CSNK1A1: variants seen among roughly 807,000 people sequenced by gnomAD.
CSNK1A1 encodes the protein casein kinase I isoform alpha.
Under a neutral mutation model 46.1 loss-of-function variants are expected in CSNK1A1, and 7 were observed. The ratio of observed to expected loss-of-function variants is 0.15; its 90% CI spans 0.09 to 0.29. CSNK1A1 has a LOEUF of 0.29. Among genes scored for constraint, CSNK1A1 ranks in the 10% least tolerant of loss-of-function variants. The pLI is 1.00. For synonymous variants in CSNK1A1, 137 were observed against 141.5 expected, an observed-to-expected ratio of 0.97 and a Z score of 0.23; for missense variants, 96 against 417.1, an observed-to-expected ratio of 0.23 and a Z score of 6.71.
intron 9 of CSNK1A1, chr5:149,499,139 T>C (rs756977565): frequency 6.1e-5 from 60 of 985,284 alleles, no homozygotes; most frequent in Non-Finnish European, 7.2e-5. Flanking sequence ...CAACAGGTAT[T>C]CAACAGTCTT....
intron 9 of CSNK1A1, 157 bp from the exon 10 acceptor site, chr5:149,497,017 A>AGTT: frequency 7.0e-7 from 1 of 1,432,684 alleles, no homozygotes; most frequent in South Asian, 1.6e-5. Flanking sequence ...TTTTTAAAAC[A>AGTT]GAAAAACATG....
At chr5:149,539,334 T>C (rs1181714143) in intron 2 of CSNK1A1, among the ~76,000 whole-genome samples, 1 of 152,032 alleles carries the variant, frequency 6.6e-6, no homozygotes, top group African/African-American at 2.4e-5. Context: ...AGTATGGTGG[T>C]GTATGCCTGT....
intron 2 of CSNK1A1, among the ~76,000 whole-genome samples, chr5:149,541,280 G>C (rs1438448414): frequency 6.6e-6 from 1 of 151,538 alleles, no homozygotes; most frequent in Non-Finnish European, 1.5e-5. Flanking sequence ...AGCCTCCCGA[G>C]TAGCTGGGAT....
intron 9 of CSNK1A1, chr5:149,502,463 CTCCCAACACAGCT>C (rs1760890393): frequency 8.9e-6 from 3 of 336,522 alleles, no homozygotes; most frequent in Non-Finnish European, 1.2e-5. Flanking sequence ...CCACCTCAGC[CTCCCAACACAGCT>C]GGGATCACAG....
chr5:149,505,207 A>T lies in CSNK1A1; in HGVS notation c.1006+240T>A, dbSNP rs1163909515. 3 of 1,154,764 alleles carry T rather than the reference A, an allele frequency of 2.6e-6. No homozygotes were observed. In the African/African-American group the frequency reaches 4.8e-5, roughly 18 times the overall value. 71.5% of individuals were successfully genotyped at this position (1,154,764 alleles called of 1,614,324 possible). A position where few individuals can be genotyped will look rare whatever the true frequency, so the allele number is the denominator to read the frequency against. ...AAAAATGACCCAAAATCCCAAGAGA[A>T]ATGATATAAATATACACACATATAT... On this transcript the variant is annotated intron_variant, in intron 9 of 9. Transcript: ENST00000377843.
At chr5:149,510,000 A>T in intron 6 of CSNK1A1, 47 bp from the exon 7 acceptor site, 15 of 1,318,448 alleles carry the variant, frequency 1.1e-5, no homozygotes, top group Non-Finnish European at 1.6e-5. Flanking sequence ...TGCTACTGAG[A>T]AGAACCATGG....
chr5:149,513,003 A>G (rs1309603995), intron 5 of CSNK1A1, 67 bp downstream of exon 5: 2 of 1,575,820 alleles, frequency 1.3e-6, no homozygotes, highest in Non-Finnish European at 1.7e-6. Flanking sequence ...AGAAACTAAA[A>G]TATTTCAAAA....
intron 2 of CSNK1A1, among the ~76,000 whole-genome samples, chr5:149,535,645 C>G (rs1280707497): frequency 1.3e-5 from 2 of 151,962 alleles, no homozygotes; most frequent in African/African-American, 4.8e-5. Flanking sequence ...TTGTTTGTTT[C>G]TTTGTTTTTG....
intron 4 of CSNK1A1, among the ~76,000 whole-genome samples, chr5:149,515,372 C>G (rs569462649): frequency 6.6e-6 from 1 of 152,220 alleles, no homozygotes; most frequent in South Asian, 2.1e-4. Flanking sequence ...AACCAAAAGA[C>G]TGCTTTATAA....
At chr5:149,535,626 GCTTT>G (rs1285515017) in intron 2 of CSNK1A1, among the ~76,000 whole-genome samples, 4 of 152,048 alleles carry the variant, frequency 2.6e-5, no homozygotes, top group Non-Finnish European at 4.4e-5. Flanking sequence ...AGACCAAATG[GCTTT>G]CTTTTTGTTT....
intron 2 of CSNK1A1, among the ~76,000 whole-genome samples, chr5:149,543,962 T>C (rs539013548): frequency 2.8e-4 from 42 of 152,286 alleles, no homozygotes; most frequent in African/African-American, 8.7e-4. Flanking sequence ...AGGCAAGTAG[T>C]AGACACAATA....
At chr5:149,519,580 T>C (rs1761505515) in intron 4 of CSNK1A1, among the ~76,000 whole-genome samples, 1 of 152,124 alleles carries the variant, frequency 6.6e-6, no homozygotes, top group East Asian at 1.9e-4. Flanking sequence ...CATGCGCCAC[T>C]AGCTAAAACC....
At chr5:149,529,992 G>A (rs1761839640) in intron 2 of CSNK1A1, among the ~76,000 whole-genome samples, 1 of 152,164 alleles carries the variant, frequency 6.6e-6, no homozygotes, top group Admixed American at 6.5e-5. Flanking sequence ...GTATTACTAT[G>A]AGACCCAGAA....
chr5:149,535,215 T>G (rs1193603731), intron 2 of CSNK1A1, among the ~76,000 whole-genome samples: 1 of 152,236 alleles, frequency 6.6e-6, no homozygotes, highest in Non-Finnish European at 1.5e-5. Context: ...TCCTCCTGCT[T>G]TATTAATTCC....
At chr5:149,501,802 CCTTTA>C (rs1462754989) in intron 9 of CSNK1A1, 6 of 979,506 alleles carry the variant, frequency 6.1e-6, no homozygotes, top group Non-Finnish European at 7.3e-6. Context: ...ATTTCATTTT[CCTTTA>C]CTTATTTTTA....
At position 149,550,691 on chromosome 5, in the gene CSNK1A1, C is replaced by T; in HGVS notation, c.123+151G>A. On this transcript the variant is annotated intron_variant, in intron 1 of 9. Transcript: ENST00000377843. This position sits in a 1 kb window ranked among gnomAD's most constrained non-coding sequence, Gnocchi z 4.3. ...TTGACCCTTTTAGGGAGACAGCGGA[C>T]GAGGTTCGTAAGCCAGGAAAACTAG... 1 of 1,108,348 alleles carries T rather than the reference C, an allele frequency of 9.0e-7. No homozygotes were observed. The highest frequency in any genetic ancestry group is 1.3e-6 in the Non-Finnish European group (1 of 788,886). The allele number at this position is 1,108,348 out of a possible 1,614,324, so 68.7% of individuals were successfully genotyped here. A position where few individuals can be genotyped will look rare whatever the true frequency, so the allele number is the denominator to read the frequency against.
intron 2 of CSNK1A1, among the ~76,000 whole-genome samples, chr5:149,535,667 A>T (rs1297127209): frequency 6.6e-6 from 1 of 152,090 alleles, no homozygotes; most frequent in Non-Finnish European, 1.5e-5. Flanking sequence ...TTTGAAATGG[A>T]GTCTCACTGT....
rs1270997381 is a variant in CSNK1A1 at position 149,517,939 on chromosome 5, C to A, written c.456+2351G>T. On this transcript the variant is annotated intron_variant, in intron 4 of 9. Coordinates refer to ENST00000377843, the MANE Select transcript of CSNK1A1 (RefSeq NM_001892.6). The surrounding 1 kb of genome is among the most constrained non-coding windows in gnomAD (Gnocchi z 4.4). ...GTATTGCTTACATTGCAACAATGGCCGGCGCAGACAGGCAACACCGAGGCA... is the reference window on the plus strand; with the variant it reads ...GTATTGCTTACATTGCAACAATGGCAGGCGCAGACAGGCAACACCGAGGCA... The A allele has an allele frequency of 2.8e-6, 3 of 1,069,184 alleles. No homozygotes were observed. The highest frequency in any genetic ancestry group is 4.2e-6 in the Non-Finnish European group (3 of 706,132). 66.2% of individuals were successfully genotyped at this position (1,069,184 alleles called of 1,614,324 possible).
chr5:149,510,053 C>A, intron 6 of CSNK1A1, 100 bp from the exon 7 acceptor site: 1 of 745,326 alleles, frequency 1.3e-6, no homozygotes, highest in South Asian at 2.2e-5. Context: ...CTGTGAGATT[C>A]AAGAGAAATT....
Sources: allele counts gnomAD v4.1 joint callset (sites outside exome capture counted in the v4.1 genomes callset), GRCh38; gene constraint gnomAD v4.1.1; non-coding constraint Gnocchi (gnomAD v3.1); transcripts MANE v1.5; gene names NCBI Gene and HGNC (gene_info 2026-07-23, HGNC 2026-07-21).